The following SLC2A9 variants were observed in gnomAD, a reference collection of about 807,000 sequenced individuals.
SLC2A9 encodes solute carrier family 2, facilitated glucose transporter member 9.
Under a neutral mutation model 50.6 loss-of-function variants are expected in SLC2A9, and 39 were observed. That is an observed-to-expected ratio of 0.77 (90% confidence interval 0.60 to 1.01). SLC2A9 has a LOEUF of 1.01. SLC2A9 is among the 50% of genes least tolerant of loss of function. SLC2A9 has a pLI of 0.00. For missense variants in SLC2A9, 686 were observed against 677.6 expected, an observed-to-expected ratio of 1.01 and a Z score of -0.14; for synonymous variants, 324 against 276.9, an observed-to-expected ratio of 1.17 and a Z score of -1.69.
At chr4:9,890,736 GA>G in intron 8 of SLC2A9, 25 bp from the exon 9 acceptor site, 2 of 1,588,068 alleles carry the variant, frequency 1.3e-6, no homozygotes, top group Non-Finnish European at 1.7e-6. Context: ...AAGAGAGAGA[GA>G]GAGCTATTAT....
chr4:9,937,588 CCTCCCTCTGCCCAG>C (rs1747320028), intron 6 of SLC2A9, among the ~76,000 whole-genome samples: 1 of 152,176 alleles, frequency 6.6e-6, no homozygotes, highest in South Asian at 2.1e-4. Flanking sequence ...TGCGTCCCCA[CCTCCCTCTGCCCAG>C]CTCCCTCTGC....
intron 10 of SLC2A9, among the ~76,000 whole-genome samples, chr4:9,856,563 G>C (rs772726204): frequency 1.3e-5 from 2 of 152,092 alleles, no homozygotes; most frequent in Non-Finnish European, 2.9e-5. Flanking sequence ...GCAATTTCTC[G>C]AAGAACTTAA....
intron 3 of SLC2A9, among the ~76,000 whole-genome samples, chr4:9,801,903 T>C (rs562400733): frequency 6.6e-6 from 1 of 152,360 alleles, no homozygotes; most frequent in Non-Finnish European, 1.5e-5. Flanking sequence ...ATGGCTTTTC[T>C]TAATCTAACT....
chr4:9,883,148 C>G (rs1011363715), intron 10 of SLC2A9, among the ~76,000 whole-genome samples: 2 of 151,968 alleles, frequency 1.3e-5, no homozygotes, highest in African/African-American at 4.8e-5. Context: ...CACACACACA[C>G]ACACACACAT....
intron 10 of SLC2A9, among the ~76,000 whole-genome samples, chr4:9,849,463 G>A (rs112409470): frequency 9.8e-5 from 15 of 152,312 alleles, no homozygotes; most frequent in African/African-American, 3.4e-4. Context: ...CTCTGCTCTA[G>A]GGAAATGTAA....
intron 10 of SLC2A9, among the ~76,000 whole-genome samples, chr4:9,859,249 C>CCTAA (rs1731228364): frequency 6.6e-6 from 1 of 152,050 alleles, no homozygotes; most frequent in Non-Finnish European, 1.5e-5. Flanking sequence ...TCTAAAGAAC[C>CCTAA]CTATTATAGG....
At position 10,009,078 on chromosome 4, in the gene SLC2A9, C is replaced by T. The variant is rs1326722314; in HGVS notation, c.249+9897G>A. Reference sequence around the variant, plus strand: ...GTTGTTTCTGCAGTGACACAATGCACAGGGTCCTCCTGTAATCTCAGCCCT... The same window carrying T: ...GTTGTTTCTGCAGTGACACAATGCATAGGGTCCTCCTGTAATCTCAGCCCT... On this transcript the variant is annotated intron_variant, in intron 2 of 11. Transcript: ENST00000264784. Among the ~76,000 whole-genome samples the T allele has an allele frequency of 2.6e-5, 4 of 152,312 alleles. No homozygotes were observed. The East Asian group carries it at 7.7e-4, about 29-fold the overall frequency.
chr4:9,960,187 C>T (rs1172679486), intron 5 of SLC2A9, among the ~76,000 whole-genome samples: 1 of 152,198 alleles, frequency 6.6e-6, no homozygotes, highest in Admixed American at 6.5e-5. Flanking sequence ...TATTGAAGTG[C>T]AGCATTTGAA....
chr4:9,999,306 C>A (rs1445855892), intron 2 of SLC2A9, among the ~76,000 whole-genome samples: 1 of 152,052 alleles, frequency 6.6e-6, no homozygotes, highest in African/African-American at 2.4e-5. Flanking sequence ...ATGCGATCCT[C>A]CCGCTGCAGC....
intron 5 of SLC2A9, among the ~76,000 whole-genome samples, chr4:9,947,942 T>C (rs561547879): frequency 1.3e-5 from 2 of 152,250 alleles, no homozygotes; most frequent in Non-Finnish European, 2.9e-5. Context: ...GTATGTCCCC[T>C]CCTCTAGGGA....
chr4:9,836,372 A>T (rs1402056651), intron 10 of SLC2A9, among the ~76,000 whole-genome samples: 3 of 152,222 alleles, frequency 2.0e-5, no homozygotes. Context: ...TGTGATAAGC[A>T]TTCTGGAGGA....
intron 4 of SLC2A9, among the ~76,000 whole-genome samples, chr4:9,981,917 T>C (rs755633290): frequency 3.9e-5 from 6 of 152,116 alleles, no homozygotes; most frequent in Non-Finnish European, 8.8e-5. Context: ...GTTTCACTCT[T>C]GTTGCCCAGG....
intron 5 of SLC2A9, among the ~76,000 whole-genome samples, chr4:9,959,774 T>A (rs1480492090): frequency 6.6e-6 from 1 of 152,180 alleles, no homozygotes; most frequent in African/African-American, 2.4e-5. Context: ...TTGAGATTTG[T>A]TTTTGGTAGT....
chr4:9,998,312 C>G (rs1759109834), intron 2 of SLC2A9, among the ~76,000 whole-genome samples: 1 of 148,278 alleles, frequency 6.7e-6, no homozygotes, highest in East Asian at 2.1e-4. Flanking sequence ...TCAGGTCGCT[C>G]AGACCTGGGC....
chr4:9,949,870 G>C (rs1399314111), intron 5 of SLC2A9, among the ~76,000 whole-genome samples: 1 of 152,178 alleles, frequency 6.6e-6, no homozygotes, highest in African/African-American at 2.4e-5. Context: ...GGGTTGCTTT[G>C]TTACATCTTT....
chr4:9,920,740 T>C (rs1422622896), intron 6 of SLC2A9, among the ~76,000 whole-genome samples, 168 bp from the exon 7 acceptor site: 2 of 152,030 alleles, frequency 1.3e-5, no homozygotes, highest in Non-Finnish European at 1.5e-5. Flanking sequence ...TGTTTAAAAA[T>C]GGGAAAACAG....
intron 10 of SLC2A9, among the ~76,000 whole-genome samples, chr4:9,874,893 AGC>A (rs1393696920): frequency 0.013 from 1,933 of 151,664 alleles, 148 homozygotes; most frequent in African/African-American, 0.022. Context: ...GCCATAGGTT[AGC>A]GTCTGTCTAA....
At chr4:9,914,949 A>T (rs1429357633) in intron 7 of SLC2A9, among the ~76,000 whole-genome samples, 2 of 152,222 alleles carry the variant, frequency 1.3e-5, no homozygotes, top group African/African-American at 4.8e-5. Flanking sequence ...CTTTTCTAAG[A>T]GTGTTGGATC....
downstream of SLC2A9, among the ~76,000 whole-genome samples, chr4:9,798,189 A>T (rs1433936104): frequency 6.6e-6 from 1 of 152,198 alleles, no homozygotes; most frequent in African/African-American, 2.4e-5. Flanking sequence ...CCCTTTGGGT[A>T]CCACAGTAAA....
Sources: gnomAD v4.1 joint callset for allele counts (sites outside exome capture counted in the v4.1 genomes callset) on GRCh38, gnomAD v4.1.1 for gene constraint, MANE v1.5 for transcripts, NCBI Gene and HGNC (gene_info 2026-07-23, HGNC 2026-07-21) for gene names.